COL4A1: variants seen among roughly 807,000 people sequenced by gnomAD.
COL4A1 encodes collagen type IV alpha 1 chain, also known as collagen alpha-1(IV) chain.
COL4A1 carries 40 observed loss-of-function variants against 216.6 expected under a neutral mutation model. The ratio of observed to expected loss-of-function variants is 0.18; its 90% confidence interval spans 0.14 to 0.24. The LOEUF (loss-of-function observed/expected upper bound fraction) is 0.24, where lower values mean the gene tolerates loss of function less well. COL4A1 is among the 10% of genes least tolerant of loss of function. The probability of loss-of-function intolerance (pLI) is 1.00; values close to 1 mark genes in which losing one functional copy is unlikely to be tolerated. For synonymous variants in COL4A1, 839 were observed against 810.7 expected (o/e 1.03, Z -0.59); for missense variants, 1,628 against 2,196.8 (o/e 0.74, Z 5.18).
At chr13:110,303,126 C>T (rs1884558870) in intron 1 of COL4A1, among the ~76,000 whole-genome samples, 1 of 152,172 alleles carries the variant, frequency 6.6e-6, no homozygotes, top group Non-Finnish European at 1.5e-5. Flanking sequence ...TATGACCATC[C>T]TTGCCAGTTC....
chr13:110,265,028 G>C (rs1882969120), intron 1 of COL4A1, among the ~76,000 whole-genome samples: 1 of 152,236 alleles, frequency 6.6e-6, no homozygotes, highest in African/African-American at 2.4e-5. Flanking sequence ...CCTCGGCTCT[G>C]CAAGATGCTG....
At chr13:110,234,248 G>C (rs1351860642) in intron 2 of COL4A1, among the ~76,000 whole-genome samples, 1 of 152,136 alleles carries the variant, frequency 6.6e-6, no homozygotes, top group East Asian at 1.9e-4. Flanking sequence ...TTTATCCACC[G>C]ATCCACTCTT....
In COL4A1 at chr13:110,169,777, G is replaced by A. The variant is rs375583789; in HGVS notation, c.3743-15C>T. 7.9e-5 allele frequency: 127 copies of A among 1,613,716 alleles called. No individual in the cohort carries two copies. The highest frequency in any genetic ancestry group is 1.1e-4 in the Non-Finnish European group (127 of 1,179,992). Reference sequence around the variant, plus strand: ...TCCCGGAAGTCCTAATGGAAGAGAAGAAAGCCACACATTTGGGGTTAAATA... The same window carrying A: ...TCCCGGAAGTCCTAATGGAAGAGAAAAAAGCCACACATTTGGGGTTAAATA... On this transcript the variant is annotated splice_polypyrimidine_tract_variant and intron_variant, in intron 42 of 51. Coordinates refer to ENST00000375820, the MANE Select transcript of COL4A1 (RefSeq NM_001845.6).
At chr13:110,258,195 A>G (rs1275717714) in intron 1 of COL4A1, among the ~76,000 whole-genome samples, 2 of 152,188 alleles carry the variant, frequency 1.3e-5, no homozygotes, top group African/African-American at 4.8e-5. Context: ...TGTGAAGCTT[A>G]AATGAGCAGA....
At chr13:110,224,499 T>C (rs984608795) in intron 2 of COL4A1, among the ~76,000 whole-genome samples, 2 of 152,134 alleles carry the variant, frequency 1.3e-5, no homozygotes, top group Non-Finnish European at 2.9e-5. Context: ...ATTTTTGTAT[T>C]TGTAGTACAG....
At chr13:110,155,773 G>A (rs34844943) in intron 49 of COL4A1, among the ~76,000 whole-genome samples, 11,812 of 152,184 alleles carry the variant, frequency 0.078, 1,400 homozygotes, top group African/African-American at 0.25. Context: ...TTAGCTGGGT[G>A]TGGTGGCACA....
At chr13:110,171,006 T>C (rs939577747) in intron 41 of COL4A1, among the ~76,000 whole-genome samples, 3 of 152,368 alleles carry the variant, frequency 2.0e-5, no homozygotes, top group Non-Finnish European at 4.4e-5. Context: ...ACGTGTTCTA[T>C]GGCAAAGGCA....
intron 1 of COL4A1, among the ~76,000 whole-genome samples, chr13:110,258,406 G>A (rs1214696121): frequency 1.3e-5 from 2 of 152,180 alleles, no homozygotes; most frequent in Non-Finnish European, 2.9e-5. Flanking sequence ...CAGGCGTGGT[G>A]GCGCACGCCT....
intron 2 of COL4A1, 24 bp from the exon 3 acceptor site, chr13:110,214,039 G>C: frequency 6.3e-7 from 1 of 1,595,922 alleles, no homozygotes; most frequent in South Asian, 1.1e-5. Flanking sequence ...ACATCAGTCA[G>C]GCAAAAGGCA....
intron 2 of COL4A1, among the ~76,000 whole-genome samples, chr13:110,217,846 G>A (rs1387059821): frequency 6.6e-6 from 1 of 152,220 alleles, no homozygotes; most frequent in Non-Finnish European, 1.5e-5. Context: ...AATTAGGCAT[G>A]AAATAGGGTT....
chr13:110,277,601 A>T (rs1594111086), intron 1 of COL4A1, among the ~76,000 whole-genome samples: 1 of 152,174 alleles, frequency 6.6e-6, no homozygotes, highest in Admixed American at 6.6e-5. Flanking sequence ...ATGGGCATCC[A>T]CCAGCCAGAC....
chr13:110,235,571 AACCAG>A (rs1881278288), intron 2 of COL4A1, among the ~76,000 whole-genome samples: 1 of 151,704 alleles, frequency 6.6e-6, no homozygotes, highest in African/African-American at 2.4e-5. Context: ...GAATGGCGTG[AACCAG>A]TGAACCCGGG....
At chr13:110,222,376 T>C (rs1006676389) in intron 2 of COL4A1, among the ~76,000 whole-genome samples, 1 of 151,988 alleles carries the variant, frequency 6.6e-6, no homozygotes, top group Non-Finnish European at 1.5e-5. Flanking sequence ...AGGGCTTGGG[T>C]GAGGAGTCTC....
rs886049960 is a variant in COL4A1, at chr13:110,179,260, C to T, written c.2344+11G>A. 1.2e-6 allele frequency: 2 copies of T among 1,613,974 alleles called. No homozygotes were observed. Among genetic ancestry groups the T allele is most frequent in the Non-Finnish European group, 1.7e-6 (2 of 1,180,024 alleles). ...CCTCGAAACCCTCCAGACTGATCTG[C>T]ATGAAGTTACCTCTGATCCCCTGAA... On this transcript the variant is annotated intron_variant, in intron 30 of 51. Transcript: ENST00000375820.
intron 1 of COL4A1, among the ~76,000 whole-genome samples, chr13:110,279,099 T>C (rs575630387): frequency 1.3e-5 from 2 of 152,172 alleles, no homozygotes; most frequent in Non-Finnish European, 2.9e-5. Context: ...GTGCTCTCAA[T>C]GTCCTACTGT....
intron 28 of COL4A1, among the ~76,000 whole-genome samples, chr13:110,182,017 G>A (rs1027578783): frequency 1.1e-4 from 16 of 152,220 alleles, no homozygotes; most frequent in African/African-American, 3.9e-4. Context: ...TGCACAGATA[G>A]GGTCTGTCCT....
At chr13:110,161,147 T>A (rs184356478) in intron 49 of COL4A1, 45 bp downstream of exon 49, 42 of 1,592,978 alleles carry the variant, frequency 2.6e-5, no homozygotes, top group Non-Finnish European at 3.3e-5. Flanking sequence ...ACTAGAGACT[T>A]TTCCTCTTCA....
rs138198869 is a variant in COL4A1, at chr13:110,183,203, T to C, written c.1971A>G (p.Pro657=). 4 of 1,613,790 alleles carry C rather than the reference T, an allele frequency of 2.5e-6. No individual in the cohort carries two copies. In the African/African-American group the frequency reaches 5.3e-5, roughly 22 times the overall value. ...PPGAEGLPGS[P]GFPGPQGDRG... ...TCGTACCTTGGGGACCTGGGAAGCC[T>C]GGGGACCCCGGCAGTCCTTCTGCTC... The change falls in exon 27 of 52, where the codon CCA becomes CCG. Residue 657 remains proline (P), a synonymous_variant. Transcript: ENST00000375820.
At chr13:110,240,776 C>T (rs1467153449) in intron 2 of COL4A1, among the ~76,000 whole-genome samples, 1 of 152,178 alleles carries the variant, frequency 6.6e-6, no homozygotes, top group African/African-American at 2.4e-5. Context: ...GTAGGGAAGG[C>T]TACACCCTAT....
Sources: gnomAD v4.1 joint callset for allele counts (sites outside exome capture counted in the v4.1 genomes callset) on GRCh38, gnomAD v4.1.1 for gene constraint, MANE v1.5 for transcripts, NCBI Gene and HGNC (gene_info 2026-07-23, HGNC 2026-07-21) for gene names.